PHACTR4: variants seen among roughly 807,000 people sequenced by gnomAD.
PHACTR4 encodes phosphatase and actin regulator 4.
Under a neutral mutation model 72.7 loss-of-function variants are expected in PHACTR4, and 51 were observed. That is an observed-to-expected ratio of 0.70 (90% CI 0.56 to 0.89). The LOEUF (loss-of-function observed/expected upper bound fraction) is 0.89, where lower values mean the gene tolerates loss of function less well. Ranked by LOEUF, PHACTR4 falls within the 40% of genes least tolerant of loss-of-function variation. The pLI is 0.00. For missense variants in PHACTR4, 731 were observed against 861.8 expected, an observed-to-expected ratio of 0.85 and a Z score of 1.90; for synonymous variants, 255 against 302.5, an observed-to-expected ratio of 0.84 and a Z score of 1.63.
rs903933437 is a variant in PHACTR4 at position 28,498,153 on chromosome 1, CTG to C, written c.*1607_*1608del. The C allele has an allele frequency of 6.6e-5, 10 of 152,300 alleles. No homozygotes were observed. The highest frequency in any genetic ancestry group is 2.4e-4 in the African/African-American group (10 of 41,556). The allele number at this position is 152,300 out of a possible 1,614,324, so 9.4% of individuals were successfully genotyped here. On this transcript the variant is annotated 3_prime_UTR_variant, in exon 14 of 14. Coordinates refer to ENST00000373839, the MANE Select transcript of PHACTR4 (RefSeq NM_001048183.3). The stretch of plus-strand genomic sequence containing the variant: ...TCCTTAAAGCAGAGTTGTATCAACT[CTG>C]TGGGAGCATTTATGAGCTGTCAGTC...
intron 2 of PHACTR4, among the ~76,000 whole-genome samples, chr1:28,437,896 T>A (rs1656735714): frequency 6.6e-6 from 1 of 152,258 alleles, no homozygotes; most frequent in South Asian, 2.1e-4. Flanking sequence ...AATGGACTAC[T>A]GCTCCTATTA....
intron 2 of PHACTR4, among the ~76,000 whole-genome samples, chr1:28,452,733 T>G (rs979744408): frequency 6.7e-6 from 1 of 149,394 alleles, no homozygotes; most frequent in African/African-American, 2.5e-5. Flanking sequence ...GAGGCGGAGG[T>G]TGCAGTGAGC....
intron 2 of PHACTR4, among the ~76,000 whole-genome samples, chr1:28,434,979 G>A (rs1009894205): frequency 9.2e-5 from 14 of 151,588 alleles, no homozygotes; most frequent in African/African-American, 3.4e-4. Context: ...TTTCTGGGCT[G>A]TGTGTGTGTG....
chr1:28,439,025 T>G (rs1240164398), intron 2 of PHACTR4, among the ~76,000 whole-genome samples: 1 of 152,182 alleles, frequency 6.6e-6, no homozygotes, highest in South Asian at 2.1e-4. Context: ...ATTGTGAGTA[T>G]AGCTCAGAGT....
intron 3 of PHACTR4, 33 bp from the exon 4 acceptor site, chr1:28,460,179 A>G: frequency 6.7e-7 from 1 of 1,495,082 alleles, no homozygotes. Flanking sequence ...CAACTGTCAC[A>G]TTTCTGAGTG....
At chr1:28,445,218 G>A (rs555151198) in intron 2 of PHACTR4, among the ~76,000 whole-genome samples, 1 of 152,108 alleles carries the variant, frequency 6.6e-6, no homozygotes, top group African/African-American at 2.4e-5. Context: ...CCCCCAAAGT[G>A]CTGGGATTAC....
intron 2 of PHACTR4, among the ~76,000 whole-genome samples, chr1:28,429,339 T>C (rs77745539): frequency 0.065 from 9,936 of 152,262 alleles, 504 homozygotes; most frequent in Non-Finnish European, 0.099. Flanking sequence ...AAGCAGTATG[T>C]TCTCAAAAAC....
chr1:28,406,656 G>C (rs1023206099), intron 1 of PHACTR4, among the ~76,000 whole-genome samples: 5 of 152,072 alleles, frequency 3.3e-5, no homozygotes, highest in Non-Finnish European at 7.4e-5. Flanking sequence ...ATAAAAAGCA[G>C]GCTCTGAATT....
chr1:28,433,619 G>A (rs1162810805), intron 2 of PHACTR4, among the ~76,000 whole-genome samples: 4 of 150,782 alleles, frequency 2.7e-5, no homozygotes, highest in African/African-American at 4.9e-5. Flanking sequence ...CACCACACCC[G>A]GCTACTTTTT....
At chr1:28,488,299 C>T (rs1299448686) in intron 9 of PHACTR4, among the ~76,000 whole-genome samples, 2 of 151,882 alleles carry the variant, frequency 1.3e-5, no homozygotes, top group Non-Finnish European at 2.9e-5. Flanking sequence ...AGATCGAGAC[C>T]ATCCTGGCTA....
chr1:28,438,486 C>CA (rs1401873160), intron 2 of PHACTR4: 1 of 1,583,520 alleles, frequency 6.3e-7, no homozygotes, highest in Admixed American at 1.7e-5. Context: ...GGCAGATTTA[C>CA]AGGTGAACTT....
At chr1:28,406,214 T>C (rs1330077605) in intron 1 of PHACTR4, among the ~76,000 whole-genome samples, 3 of 152,056 alleles carry the variant, frequency 2.0e-5, no homozygotes, top group Non-Finnish European at 2.9e-5. Flanking sequence ...ACCTATGGAG[T>C]TGTCATGTAT....
chr1:28,377,550 T>C (rs1651782175), intron 1 of PHACTR4, among the ~76,000 whole-genome samples: 1 of 152,006 alleles, frequency 6.6e-6, no homozygotes, highest in Non-Finnish European at 1.5e-5. Context: ...CATCAAAGCT[T>C]TTTGAAATGA....
At chr1:28,461,492 T>C (rs1355299867) in intron 4 of PHACTR4, among the ~76,000 whole-genome samples, 1 of 152,124 alleles carries the variant, frequency 6.6e-6, no homozygotes, top group African/African-American at 2.4e-5. Flanking sequence ...AGGAACCAAA[T>C]AGATGGAGTA....
chr1:28,384,688 A>G (rs969506473), intron 1 of PHACTR4, among the ~76,000 whole-genome samples: 5 of 152,144 alleles, frequency 3.3e-5, no homozygotes, highest in African/African-American at 1.2e-4. Flanking sequence ...TGAGGCAAGG[A>G]GTTTCAGACC....
At chr1:28,382,513 CG>C (rs1557776016) in intron 1 of PHACTR4, among the ~76,000 whole-genome samples, 1 of 151,882 alleles carries the variant, frequency 6.6e-6, no homozygotes, top group Non-Finnish European at 1.5e-5. Flanking sequence ...CCGTGCTAGC[CG>C]GGATGGTCTC....
At chr1:28,483,544 G>A (rs906030006) in intron 9 of PHACTR4, among the ~76,000 whole-genome samples, 6 of 152,142 alleles carry the variant, frequency 3.9e-5, no homozygotes, top group Non-Finnish European at 7.3e-5. Context: ...GCTCACGCCT[G>A]TAATCTCAGC....
chr1:28,465,265 T>C (rs1659068651), intron 4 of PHACTR4, among the ~76,000 whole-genome samples: 1 of 151,910 alleles, frequency 6.6e-6, no homozygotes, highest in Non-Finnish European at 1.5e-5. Flanking sequence ...ATCGAGACCA[T>C]CCTGGCTAAC....
intron 1 of PHACTR4, among the ~76,000 whole-genome samples, chr1:28,395,757 C>T (rs1331126543): frequency 6.8e-6 from 1 of 147,980 alleles, no homozygotes; most frequent in Non-Finnish European, 1.5e-5. Flanking sequence ...CTGCCTCAAC[C>T]TCCCGAGTAG....
Sources: gnomAD v4.1 joint callset for allele counts (sites outside exome capture counted in the v4.1 genomes callset) on GRCh38, gnomAD v4.1.1 for gene constraint, MANE v1.5 for transcripts, NCBI Gene and HGNC (gene_info 2026-07-23, HGNC 2026-07-21) for gene names.